HMCN2: variants seen among roughly 807,000 people sequenced by gnomAD.
HMCN2 encodes hemicentin 2.
In HMCN2, 325 loss-of-function variants were observed where a neutral mutation model predicts 377.5. That is an observed-to-expected ratio of 0.86 (90% confidence interval 0.79 to 0.94). HMCN2 has a LOEUF of 0.94. Ranked by LOEUF, HMCN2 falls within the 40% of genes least tolerant of loss-of-function variation. HMCN2 has a pLI of 0.00. For missense variants in HMCN2, 4,543 were observed against 4,725.3 expected, an observed-to-expected ratio of 0.96 and a Z score of 1.13; for synonymous variants, 2,007 against 2,046.8, an observed-to-expected ratio of 0.98 and a Z score of 0.53.
intron 40 of HMCN2, among the ~76,000 whole-genome samples, chr9:130,364,305 G>A (rs1431084237): frequency 6.6e-6 from 1 of 152,236 alleles, no homozygotes; most frequent in Non-Finnish European, 1.5e-5. Flanking sequence ...TCTCCCCCTG[G>A]ACCCTGCGTT....
In HMCN2 at chr9:130,376,553, G is replaced by GTCCC. The variant is rs1295827754; in HGVS notation, c.7956_7957insTCCC (p.Val2653SerfsTer20). The GTCCC allele has an allele frequency of 2.0e-6, 2 of 985,748 alleles. No individual in the cohort carries two copies. Among genetic ancestry groups the GTCCC allele is most frequent in the African/African-American group, 3.5e-5 (2 of 57,218 alleles). 61.1% of individuals were successfully genotyped at this position (985,748 alleles called of 1,614,324 possible). ...TCTCCAAAGACGACCCCTTGGCGGA[G>GTCCC]GTCGGCGTGAAGGAGGTGAAGACCA... On this transcript the variant is annotated frameshift_variant, in exon 52 of 98. Transcript: ENST00000683500. LOFTEE classifies it high-confidence loss of function.
At chr9:130,378,747 C>G (rs1260498582) in intron 53 of HMCN2, among the ~76,000 whole-genome samples, 1 of 152,148 alleles carries the variant, frequency 6.6e-6, no homozygotes, top group East Asian at 1.9e-4. Flanking sequence ...TCCGGTGCTT[C>G]TGGCCACCAG....
At chr9:130,342,081 C>A (rs1839088990) in intron 24 of HMCN2, among the ~76,000 whole-genome samples, 1 of 149,162 alleles carries the variant, frequency 6.7e-6, no homozygotes, top group African/African-American at 2.5e-5. Flanking sequence ...AAAGCCACTG[C>A]TGAGAGGGAC....
intron 22 of HMCN2, among the ~76,000 whole-genome samples, chr9:130,329,916 G>T (rs1164774510): frequency 9.2e-5 from 14 of 151,974 alleles, no homozygotes; most frequent in South Asian, 4.2e-4. Context: ...GACTTAAAAA[G>T]CCCCTTGGAA....
chr9:130,364,645 G>C, intron 40 of HMCN2, 69 bp from the exon 41 acceptor site: 1 of 861,744 alleles, frequency 1.2e-6, no homozygotes. Context: ...GCCTGACCCA[G>C]GGTGTGGCCC....
intron 96 of HMCN2, 26 bp from the exon 97 acceptor site, chr9:130,432,403 C>T (rs1187609752): frequency 6.4e-7 from 1 of 1,550,940 alleles, no homozygotes; most frequent in African/African-American, 1.4e-5. Context: ...ATCTCCCTCC[C>T]CCGCTTCACC....
At chr9:130,405,455 C>T (rs988073106) in intron 81 of HMCN2, among the ~76,000 whole-genome samples, 1 of 152,208 alleles carries the variant, frequency 6.6e-6, no homozygotes, top group Non-Finnish European at 1.5e-5. Flanking sequence ...CCCCTCAGCA[C>T]TCATCAGATT....
chr9:130,297,916 C>T (rs782387966), intron 7 of HMCN2, among the ~76,000 whole-genome samples: 3 of 152,104 alleles, frequency 2.0e-5, no homozygotes, highest in Non-Finnish European at 4.4e-5. Flanking sequence ...AGGCCACATG[C>T]GACCCTGTTG....
chr9:130,313,347 G>T (rs1376452647), intron 15 of HMCN2, among the ~76,000 whole-genome samples: 1 of 146,226 alleles, frequency 6.8e-6, no homozygotes, highest in Non-Finnish European at 1.5e-5. Context: ...TGCCAGGAGG[G>T]CCTGCACTTG....
chr9:130,390,610 T>C (rs1014619742), intron 62 of HMCN2, among the ~76,000 whole-genome samples: 1 of 151,978 alleles, frequency 6.6e-6, no homozygotes, highest in African/African-American at 2.4e-5. Context: ...CAGTGTGACC[T>C]GTGTAGGGTC....
intron 19 of HMCN2, among the ~76,000 whole-genome samples, chr9:130,322,439 C>T (rs1227358936): frequency 6.6e-6 from 1 of 152,126 alleles, no homozygotes; most frequent in African/African-American, 2.4e-5. Flanking sequence ...AATAGGATCA[C>T]ATGCTGTCAT....
At chr9:130,301,273 C>T (rs1836492390) in intron 8 of HMCN2, among the ~76,000 whole-genome samples, 1 of 152,240 alleles carries the variant, frequency 6.6e-6, no homozygotes, top group African/African-American at 2.4e-5. Context: ...TGAGGAGGAA[C>T]TTTCAGGAAG....
At chr9:130,334,799 CTT>C (rs1838649002) in intron 22 of HMCN2, among the ~76,000 whole-genome samples, 1 of 145,294 alleles carries the variant, frequency 6.9e-6, no homozygotes, top group African/African-American at 2.6e-5. Context: ...CTCTCTCTCT[CTT>C]CTCTCTCTCT....
Position 130,430,575 on chromosome 9 carries a change from G to C in HMCN2, c.14618G>C (p.Gly4873Ala). Reference protein sequence around the residue: ...SSVGRAWCPPGFIRQNGVCTD... With the variant: ...SSVGRAWCPPAFIRQNGVCTD... ...GTGGGCCGGGCCTGGTGCCCTCCTG[G>C]TTTCATCAGGCAGAACGGAGTCTGC... is the stretch of plus-strand genomic sequence containing the variant. The change falls in exon 95 of 98, where the codon GGT (glycine) becomes GCT (alanine). Residue 4873 changes from glycine (G) to alanine (A), a missense_variant. Physicochemically the swap from Gly to Ala is moderately conservative, Grantham distance 60. This residue lies in a region of HMCN2 where 1,155 missense variants were observed against 1,157.7 expected (regional missense o/e 1.00). Coordinates refer to ENST00000683500, the MANE Select transcript of HMCN2 (RefSeq NM_001291815.2). The C allele has an allele frequency of 2.6e-6, 4 of 1,550,274 alleles. No individual in the cohort carries two copies. The highest frequency in any genetic ancestry group is 3.5e-6 in the Non-Finnish European group (4 of 1,146,810).
chr9:130,325,563 CCTTGG>C lies in HMCN2; in HGVS notation c.2921-28_2921-24del, dbSNP rs1310204249. 3 of 152,264 alleles carry C rather than the reference CCTTGG, an allele frequency of 2.0e-5. No individual in the cohort carries two copies. In the East Asian group the frequency reaches 5.8e-4, roughly 29 times the overall value. 9.4% of individuals were successfully genotyped at this position (152,264 alleles called of 1,614,324 possible). ...CCACTGTGAATGATGCTGCAATGAG[CCTTGG>C]CTTTGACATTGGTTTATTTATAACA... On this transcript the variant is annotated intron_variant, in intron 19 of 97. Coordinates refer to ENST00000683500, the MANE Select transcript of HMCN2 (RefSeq NM_001291815.2).
chr9:130,433,426 C>G lies in HMCN2; in HGVS notation c.14973C>G (p.Pro4991=), dbSNP rs1844886586. ...TGCAGTACCGGCTGCTGCCGCTGCC[C>G]CTGGGCGTGCGCGCCCACCACGACG... ...STLQYRLLPL[P]LGVRAHHDVA... is the part of the protein sequence containing the mutation. The change falls in exon 98 of 98, where the codon CCC becomes CCG. Residue 4991 remains proline (P), a synonymous_variant. Coordinates refer to ENST00000683500, the MANE Select transcript of HMCN2 (RefSeq NM_001291815.2). 4 of 1,493,660 alleles carry G rather than the reference C, an allele frequency of 2.7e-6. No individual in the cohort carries two copies. Among genetic ancestry groups the G allele is most frequent in the Non-Finnish European group, 3.5e-6 (4 of 1,129,934 alleles). 92.5% of individuals were successfully genotyped at this position (1,493,660 alleles called of 1,614,324 possible). A position where few individuals can be genotyped will look rare whatever the true frequency, so the allele number is the denominator to read the frequency against.
rs1025011224 is a variant in HMCN2, at chr9:130,392,084, C to T, written c.10102C>T (p.Arg3368Cys). Residue 3368 changes from arginine (R) to cysteine (C), a missense_variant, in exon 66 of 98, where the codon CGC becomes TGC. Transcript: ENST00000683500. ...KDGLPLPLSQ[R>C]TLLHGSGHTL... ...CGGCCTGCCCCTCCCGCTCTCCCAG[C>T]GCACCCTCCTCCACGGCTCTGGCCA... is the stretch of plus-strand genomic sequence containing the variant. 2.5e-5 allele frequency: 25 copies of T among 988,546 alleles called. 1 individual carries two copies. In the Admixed American group the frequency reaches 3.1e-4, roughly 12 times the overall value. The allele number at this position is 988,546 out of a possible 1,614,324, so 61.2% of individuals were successfully genotyped here. A position where few individuals can be genotyped will look rare whatever the true frequency, so the allele number is the denominator to read the frequency against.
intron 15 of HMCN2, among the ~76,000 whole-genome samples, chr9:130,313,489 G>T (rs957959742): frequency 6.6e-6 from 1 of 152,278 alleles, no homozygotes; most frequent in Non-Finnish European, 1.5e-5. Context: ...CACTTTCCTC[G>T]TCTGTGAAAC....
In HMCN2 at chr9:130,347,967, G is replaced by T. The variant is rs575284095; in HGVS notation, c.4025-578G>T. 1.0e-5 allele frequency: 10 copies of T among 985,016 alleles called. No homozygotes were observed. The South Asian group carries it at 4.7e-4, about 46-fold the overall frequency. 61.0% of individuals were successfully genotyped at this position (985,016 alleles called of 1,614,324 possible). On this transcript the variant is annotated intron_variant, in intron 26 of 97. Coordinates refer to ENST00000683500, the MANE Select transcript of HMCN2 (RefSeq NM_001291815.2). This position sits in a 1 kb window ranked among gnomAD's most constrained non-coding sequence, Gnocchi z 5.1. ...GTCTCTTCTCACATTCTTGTCCTCA[G>T]CAGGGAGAGCGCCCACCCCCACATC...
Sources: gnomAD v4.1 joint callset for allele counts (sites outside exome capture counted in the v4.1 genomes callset) on GRCh38, gnomAD v4.1.1 for gene constraint, gnomAD v4.1.1 regional missense constraint, Gnocchi (gnomAD v3.1) non-coding constraint, MANE v1.5 for transcripts, NCBI Gene and HGNC (gene_info 2026-07-23, HGNC 2026-07-21) for gene names.